The following DTNBP1 variants were observed in gnomAD, a reference collection of about 807,000 sequenced individuals.
The protein encoded by DTNBP1 is dystrobrevin binding protein 1, also known as dysbindin.
A neutral mutation model predicts 42.8 loss-of-function variants in DTNBP1; 35 were observed. The ratio of observed to expected loss-of-function variants is 0.82; its 90% CI spans 0.63 to 1.09. The LOEUF is 1.09. Ranked by LOEUF, DTNBP1 falls within the 50% of genes least tolerant of loss-of-function variation. DTNBP1 has a pLI of 0.00. For missense variants in DTNBP1, 457 were observed against 424.2 expected, an observed-to-expected ratio of 1.08 and a Z score of -0.68; for synonymous variants, 171 against 162.2, an observed-to-expected ratio of 1.05 and a Z score of -0.41.
At chr6:15,541,012 T>C (rs1428455515) in intron 7 of DTNBP1, among the ~76,000 whole-genome samples, 1 of 145,166 alleles carries the variant, frequency 6.9e-6, no homozygotes, top group African/African-American at 2.9e-5. Flanking sequence ...CCTCACTAGG[T>C]ATCTGAAACA....
chr6:15,539,868 A>G (rs1295420326), intron 7 of DTNBP1, among the ~76,000 whole-genome samples: 1 of 152,086 alleles, frequency 6.6e-6, no homozygotes, highest in Non-Finnish European at 1.5e-5. Context: ...CTCTTTTTCC[A>G]CATAACTGAT....
rs1019342538 is a variant in DTNBP1 at position 15,522,912 on chromosome 6, G to A, written c.*63C>T. 2 of 1,613,856 alleles carry A rather than the reference G, an allele frequency of 1.2e-6. No homozygotes were observed. Among genetic ancestry groups the A allele is most frequent in the Non-Finnish European group, 1.7e-6 (2 of 1,179,942 alleles). ...TCTATAAAACAACCTGGCTTTCCAG[G>A]TGGAATTCCGCATACAGCCAAAACT... On this transcript the variant is annotated 3_prime_UTR_variant, in exon 10 of 10. Transcript: ENST00000344537.
At chr6:15,649,779 C>T (rs569058125) in intron 3 of DTNBP1, among the ~76,000 whole-genome samples, 2 of 152,146 alleles carry the variant, frequency 1.3e-5, no homozygotes, top group East Asian at 1.9e-4. Context: ...TTATTGACAC[C>T]GTCTTACGGA....
At chr6:15,578,313 G>C (rs1304591383) in intron 7 of DTNBP1, among the ~76,000 whole-genome samples, 2 of 152,222 alleles carry the variant, frequency 1.3e-5, no homozygotes, top group Non-Finnish European at 2.9e-5. Flanking sequence ...TCAGGGAGGG[G>C]ATGTCCCAGT....
rs1192320336 is a variant in DTNBP1, at chr6:15,587,962, T to A, written c.511+5097A>T. On this transcript the variant is annotated intron_variant, in intron 7 of 9. Coordinates refer to ENST00000344537, the MANE Select transcript of DTNBP1 (RefSeq NM_032122.5). This position sits in a 1 kb window ranked among gnomAD's most constrained non-coding sequence, Gnocchi z 4.1. ...CAAAAAGTTAAACACAAACTTGTCATACAATCCATATATTCTAGTCTTAGC... is the reference window on the plus strand; with the variant it reads ...CAAAAAGTTAAACACAAACTTGTCAAACAATCCATATATTCTAGTCTTAGC... Among the ~76,000 whole-genome samples the A allele has an allele frequency of 6.6e-6, 1 of 152,174 alleles. No homozygotes were observed. Among genetic ancestry groups the A allele is most frequent in the Non-Finnish European group, 1.5e-5 (1 of 68,016 alleles).
Position 15,590,667 on chromosome 6 carries a change from C to A in DTNBP1, c.511+2392G>T, listed in dbSNP as rs142407832. On this transcript the variant is annotated intron_variant, in intron 7 of 9. Transcript: ENST00000344537. ...TGTCACTAAAAATTTTAAATGAATG[C>A]AGTATTTGGGGAACACAGAAAAATT... Among the ~76,000 whole-genome samples, 1,109 of 152,240 alleles carry A rather than the reference C, an allele frequency of 7.3e-3. 9 individuals are homozygous for A. Among genetic ancestry groups the A allele is most frequent in the Non-Finnish European group, 8.7e-3 (591 of 68,028 alleles).
chr6:15,634,300 T>G (rs991372000), intron 4 of DTNBP1, among the ~76,000 whole-genome samples: 11 of 152,176 alleles, frequency 7.2e-5, no homozygotes, highest in African/African-American at 2.7e-4. Context: ...GAATTCTTTC[T>G]CATTGTTCTA....
At position 15,652,221 on chromosome 6, in the gene DTNBP1, G is replaced by A. The variant is rs2619526; in HGVS notation, c.57-81C>T. 123,228 of 1,182,228 alleles carry A rather than the reference G, an allele frequency of 0.1. 8,582 individuals carry two copies. Among genetic ancestry groups the A allele is most frequent in the African/African-American group, 0.32 (21,106 of 65,066 alleles). The allele number at this position is 1,182,228 out of a possible 1,614,324, so 73.2% of individuals were successfully genotyped here. A position where few individuals can be genotyped will look rare whatever the true frequency, so the allele number is the denominator to read the frequency against. On this transcript the variant is annotated intron_variant, in intron 1 of 9. Coordinates refer to ENST00000344537, the MANE Select transcript of DTNBP1 (RefSeq NM_032122.5). ...TTTTGAGACAGGGTCTCACTCTGTCGTCCAGGCTGGAGTGCAGTGACATGT... is the reference window on the plus strand; with the variant it reads ...TTTTGAGACAGGGTCTCACTCTGTCATCCAGGCTGGAGTGCAGTGACATGT...
At chr6:15,659,725 G>C (rs904610058) in intron 1 of DTNBP1, among the ~76,000 whole-genome samples, 3 of 151,898 alleles carry the variant, frequency 2.0e-5, no homozygotes, top group African/African-American at 7.3e-5. Flanking sequence ...GCTAATTTTT[G>C]TATTTTTTAG....
At chr6:15,558,961 T>C (rs1244761228) in intron 7 of DTNBP1, among the ~76,000 whole-genome samples, 1 of 152,250 alleles carries the variant, frequency 6.6e-6, no homozygotes, top group Non-Finnish European at 1.5e-5. Context: ...AATGACTTAC[T>C]ACTTGCTGTT....
At chr6:15,657,122 C>G (rs1279030390) in intron 1 of DTNBP1, among the ~76,000 whole-genome samples, 1 of 152,148 alleles carries the variant, frequency 6.6e-6, no homozygotes, top group African/African-American at 2.4e-5. Flanking sequence ...AAAAGCTGCA[C>G]AGACTCAGGA....
intron 7 of DTNBP1, among the ~76,000 whole-genome samples, chr6:15,582,302 G>T (rs193103018): frequency 9.2e-5 from 14 of 152,210 alleles, no homozygotes; most frequent in East Asian, 3.9e-4. Context: ...GACGTTCCTG[G>T]GTTTAAATCC....
intron 3 of DTNBP1, among the ~76,000 whole-genome samples, chr6:15,650,367 C>T (rs1300616892): frequency 2.6e-5 from 4 of 151,574 alleles, no homozygotes; most frequent in Non-Finnish European, 5.9e-5. Context: ...CTGCCGAGAT[C>T]GCACCATTGC....
chr6:15,651,486 T>C (rs1338637910), intron 2 of DTNBP1, 123 bp from the exon 3 acceptor site: 1 of 1,319,402 alleles, frequency 7.6e-7, no homozygotes, highest in African/African-American at 1.5e-5. Flanking sequence ...TAATGACAAT[T>C]ATTAAACTTT....
intron 4 of DTNBP1, among the ~76,000 whole-genome samples, chr6:15,630,448 T>C (rs1023561816): frequency 6.6e-6 from 1 of 152,122 alleles, no homozygotes; most frequent in African/African-American, 2.4e-5. Flanking sequence ...AAACCATGAA[T>C]CTTGAAAGTT....
intron 7 of DTNBP1, among the ~76,000 whole-genome samples, chr6:15,537,806 C>T (rs1288886304): frequency 6.6e-6 from 1 of 152,160 alleles, no homozygotes; most frequent in African/African-American, 2.4e-5. Context: ...GAGGCCTCCC[C>T]AGCTATGCAG....
chr6:15,559,075 C>T (rs1004195554), intron 7 of DTNBP1, among the ~76,000 whole-genome samples: 1 of 152,208 alleles, frequency 6.6e-6, no homozygotes, highest in Non-Finnish European at 1.5e-5. Flanking sequence ...AGACAACTCG[C>T]AACATCCACA....
intron 5 of DTNBP1, among the ~76,000 whole-genome samples, chr6:15,615,993 A>G: frequency 6.6e-6 from 1 of 152,172 alleles, no homozygotes; most frequent in Non-Finnish European, 1.5e-5. Flanking sequence ...TCACTACTCC[A>G]CTCTGCTGCT....
chr6:15,600,144 C>T (rs1333244394), intron 6 of DTNBP1, among the ~76,000 whole-genome samples: 2 of 152,148 alleles, frequency 1.3e-5, no homozygotes, highest in African/African-American at 2.4e-5. Flanking sequence ...GAGTCACCCA[C>T]AGCAGTCCAT....
Sources: allele counts gnomAD v4.1 joint callset (sites outside exome capture counted in the v4.1 genomes callset), GRCh38; gene constraint gnomAD v4.1.1; non-coding constraint Gnocchi (gnomAD v3.1); transcripts MANE v1.5; gene names NCBI Gene and HGNC (gene_info 2026-07-23, HGNC 2026-07-21).